ARHGAP32: variants seen among roughly 807,000 people sequenced by gnomAD.
ARHGAP32 encodes the protein Rho GTPase activating protein 32.
A neutral mutation model predicts 186.5 loss-of-function variants in ARHGAP32; 51 were observed. The ratio of observed to expected loss-of-function variants is 0.27; its 90% CI spans 0.22 to 0.35. ARHGAP32 has a LOEUF of 0.35. ARHGAP32 is among the 10% of genes least tolerant of loss of function. The probability of loss-of-function intolerance (pLI) is 1.00; values close to 1 mark genes in which losing one functional copy is unlikely to be tolerated. For missense variants in ARHGAP32, 2,186 were observed against 2,623.5 expected, an observed-to-expected ratio of 0.83 and a Z score of 3.64; for synonymous variants, 950 against 964.3, an observed-to-expected ratio of 0.99 and a Z score of 0.27.
rs1469263659 is a variant in ARHGAP32, at chr11:129,189,817, T to A, written c.116+2266A>T. Among the ~76,000 whole-genome samples, 4 of 151,394 alleles carry A rather than the reference T, an allele frequency of 2.6e-5. No individual in the cohort carries two copies. In the East Asian group the frequency reaches 7.7e-4, roughly 29 times the overall value. On this transcript the variant is annotated intron_variant, in intron 1 of 22. Transcript: ENST00000682385. ...TACTGGACAAACATTAACTTGTCTCTGAGACTACTTCCTCCTAAAGCAGAT... is the reference window on the plus strand; with the variant it reads ...TACTGGACAAACATTAACTTGTCTCAGAGACTACTTCCTCCTAAAGCAGAT...
intron 1 of ARHGAP32, among the ~76,000 whole-genome samples, chr11:129,188,163 C>G (rs1163097943): frequency 6.6e-6 from 1 of 152,024 alleles, no homozygotes; most frequent in Non-Finnish European, 1.5e-5. Flanking sequence ...ACCATGTTGG[C>G]CAGGCTGATC....
chr11:129,091,161 C>T (rs1217929206), intron 6 of ARHGAP32, among the ~76,000 whole-genome samples: 1 of 152,088 alleles, frequency 6.6e-6, no homozygotes, highest in Non-Finnish European at 1.5e-5. Flanking sequence ...TTATCCATGG[C>T]TAGTATTCAG....
intron 1 of ARHGAP32, among the ~76,000 whole-genome samples, chr11:129,256,027 TATA>T (rs1945249826): frequency 6.6e-6 from 1 of 152,102 alleles, no homozygotes; most frequent in East Asian, 1.9e-4. Context: ...TATAATTACA[TATA>T]ATAATATGGA....
In ARHGAP32 at chr11:128,989,077, T is replaced by C. The variant is rs541574608; in HGVS notation, c.1196-952A>G. On this transcript the variant is annotated intron_variant, in intron 12 of 22. Coordinates refer to ENST00000682385, the MANE Select transcript of ARHGAP32 (RefSeq NM_001378024.1). ...AGTGGCAAATGAAACAAATAAGGCA[T>C]TTTAATAAGATAATTTTAGTGAATG... Among the ~76,000 whole-genome samples, 52 of 152,306 alleles carry C rather than the reference T, an allele frequency of 3.4e-4. 1 individual carries two copies. The South Asian group carries it at 0.011, about 32-fold the overall frequency.
At chr11:129,029,726 C>T (rs376983217) in intron 11 of ARHGAP32, among the ~76,000 whole-genome samples, 200 of 129,634 alleles carry the variant, frequency 1.5e-3, no homozygotes, top group African/African-American at 5.1e-3. Context: ...GGCGTGAACC[C>T]GGGAGGCGGA....
chr11:129,214,878 A>G (rs966527587), intron 1 of ARHGAP32, among the ~76,000 whole-genome samples: 2 of 152,242 alleles, frequency 1.3e-5, no homozygotes, highest in African/African-American at 2.4e-5. Flanking sequence ...GAAGGACAGC[A>G]GCCACAGACA....
At chr11:129,200,071 T>C (rs1944439858) in intron 1 of ARHGAP32, among the ~76,000 whole-genome samples, 2 of 152,162 alleles carry the variant, frequency 1.3e-5, no homozygotes, top group African/African-American at 4.8e-5. Flanking sequence ...ATTTTTCCCA[T>C]TTGGAACAGC....
intron 1 of ARHGAP32, among the ~76,000 whole-genome samples, chr11:129,259,254 C>T (rs1489317412): frequency 6.6e-6 from 1 of 152,114 alleles, no homozygotes; most frequent in Non-Finnish European, 1.5e-5. Flanking sequence ...GTATTGAATA[C>T]TCAGCTCTTT....
chr11:129,004,245 CTTTTTTTTTTTT>C (rs71057919), intron 11 of ARHGAP32, among the ~76,000 whole-genome samples: 1 of 116,384 alleles, frequency 8.6e-6, no homozygotes, highest in Non-Finnish European at 1.7e-5. Flanking sequence ...CAATGCTTTC[CTTTTTTTTTTTT>C]TTTTTTTTGA....
At chr11:129,116,166 T>A (rs750876411) in intron 5 of ARHGAP32, among the ~76,000 whole-genome samples, 10 of 152,008 alleles carry the variant, frequency 6.6e-5, no homozygotes. Flanking sequence ...GTGTAGTGTG[T>A]CTGTAGTTGT....
intron 1 of ARHGAP32, among the ~76,000 whole-genome samples, chr11:129,249,739 T>C (rs1440133168): frequency 6.6e-6 from 1 of 152,118 alleles, no homozygotes; most frequent in African/African-American, 2.4e-5. Flanking sequence ...AACAGAAACA[T>C]TTGATATCCA....
chr11:129,164,902 T>C (rs1943602298), intron 1 of ARHGAP32, among the ~76,000 whole-genome samples: 1 of 152,060 alleles, frequency 6.6e-6, no homozygotes, highest in Non-Finnish European at 1.5e-5. Flanking sequence ...GCAAAACATA[T>C]AAAACAGCTT....
At chr11:129,258,361 G>A (rs1307985268) in intron 1 of ARHGAP32, among the ~76,000 whole-genome samples, 3 of 152,242 alleles carry the variant, frequency 2.0e-5, no homozygotes, top group Non-Finnish European at 2.9e-5. Flanking sequence ...CAGGTAAGGC[G>A]ATCTGATGGC....
intron 6 of ARHGAP32, among the ~76,000 whole-genome samples, chr11:129,079,022 C>G (rs1419474841): frequency 1.3e-5 from 2 of 151,776 alleles, no homozygotes; most frequent in African/African-American, 4.8e-5. Context: ...ACTTCAGAAC[C>G]CAAAGACAAG....
chr11:129,019,301 T>C (rs1351044249), intron 11 of ARHGAP32, among the ~76,000 whole-genome samples: 1 of 152,176 alleles, frequency 6.6e-6, no homozygotes, highest in Non-Finnish European at 1.5e-5. Context: ...AGTAATACCA[T>C]AACGATAATT....
chr11:129,023,912 T>C (rs1403180345), intron 11 of ARHGAP32: 1 of 985,372 alleles, frequency 1.0e-6, no homozygotes, highest in Non-Finnish European at 1.2e-6. Context: ...TCCAAATGAC[T>C]ATATTTAGCA....
At chr11:129,202,151 GT>G (rs1424405419) in intron 1 of ARHGAP32, among the ~76,000 whole-genome samples, 1 of 151,858 alleles carries the variant, frequency 6.6e-6, no homozygotes, top group Non-Finnish European at 1.5e-5. Context: ...AAAGAAGAAA[GT>G]TTGGAAAACT....
rs1459353110 is a variant in ARHGAP32 at position 128,994,161 on chromosome 11, C to CT, written c.1195+4157dup. ...GGAAAACTCTCTTTCATTTTTTTTTCTTTTTTTTTTGAGATGGAGTCTCGC... is the reference window on the plus strand; with the variant it reads ...GGAAAACTCTCTTTCATTTTTTTTTCTTTTTTTTTTTGAGATGGAGTCTCGC... On this transcript the variant is annotated intron_variant, in intron 12 of 22. Transcript: ENST00000682385. 4.6e-3 allele frequency among the ~76,000 whole-genome samples: 683 copies of CT among 146,992 alleles called. 7 individuals carry two copies. Among genetic ancestry groups the CT allele is most frequent in the African/African-American group, 0.016 (632 of 40,150 alleles).
chr11:129,063,511 G>C (rs1254283585), intron 9 of ARHGAP32, among the ~76,000 whole-genome samples: 2 of 151,978 alleles, frequency 1.3e-5, no homozygotes, highest in Non-Finnish European at 2.9e-5. Context: ...AACACAAAAA[G>C]ACAGACCTTG....
Sources: allele counts gnomAD v4.1 joint callset (sites outside exome capture counted in the v4.1 genomes callset), GRCh38; gene constraint gnomAD v4.1.1; transcripts MANE v1.5; gene names NCBI Gene and HGNC (gene_info 2026-07-23, HGNC 2026-07-21).